The following NRIP2 variants were observed in gnomAD, a reference collection of about 807,000 sequenced individuals.
The protein encoded by NRIP2 is nuclear receptor-interacting protein 2.
A neutral mutation model predicts 34.1 loss-of-function variants in NRIP2; 27 were observed. The observed-to-expected ratio is 0.79, with a 90% CI of 0.58 to 1.09. The LOEUF (loss-of-function observed/expected upper bound fraction) is 1.09, where lower values mean the gene tolerates loss of function less well. Among genes scored for constraint, NRIP2 ranks in the 50% least tolerant of loss-of-function variants. The pLI is 0.00. For synonymous variants in NRIP2, 145 were observed against 146.9 expected (o/e 0.99, Z 0.09); for missense variants, 385 against 352.6 (o/e 1.09, Z -0.74).
At position 2,830,755 on chromosome 12, in the gene NRIP2, T is replaced by C. The variant is rs756209971; in HGVS notation, c.448A>G (p.Arg150Gly). The C allele has an allele frequency of 6.8e-6, 11 of 1,613,840 alleles. No homozygotes were observed. In the East Asian group the frequency reaches 2.5e-4, roughly 36 times the overall value. ...QDLIHGQESR[R>G]KTSRTEIPAL... is the part of the protein sequence containing the mutation. ...GGAATCTCTGTCCTGCTGGTCTTCC[T>C]CCTGCTCTCCTGGCCATGAATCAGG... The change falls in exon 2 of 6, where the codon AGG becomes GGG. Residue 150 changes from arginine to glycine, a missense_variant. Coordinates refer to ENST00000337508, the MANE Select transcript of NRIP2 (RefSeq NM_031474.3).
intron 2 of NRIP2, among the ~76,000 whole-genome samples, chr12:2,829,480 A>C (rs1165891668): frequency 6.6e-6 from 1 of 152,190 alleles, no homozygotes; most frequent in Non-Finnish European, 1.5e-5. Context: ...CTATAAAAGG[A>C]TGTGAATGCC....
intron 1 of NRIP2, among the ~76,000 whole-genome samples, chr12:2,831,893 G>A (rs1312415374): frequency 6.6e-6 from 1 of 152,048 alleles, no homozygotes; most frequent in East Asian, 1.9e-4. Context: ...CACAGTACCT[G>A]GCCTCCATCC....
In NRIP2 at chr12:2,827,796, A is replaced by G; in HGVS notation, c.701-119T>C. ...TCCCCAGATCCGAGGACACTGGCAC[A>G]GAGATGGGGGATAGTCAGAACATCT... On this transcript the variant is annotated intron_variant, in intron 4 of 5. Transcript: ENST00000337508. The surrounding 1 kb of genome is among the most constrained non-coding windows in gnomAD (Gnocchi z 4.0). 1 of 1,603,942 alleles carries G rather than the reference A, an allele frequency of 6.2e-7. No individual in the cohort carries two copies. The highest frequency in any genetic ancestry group is 8.5e-7 in the Non-Finnish European group (1 of 1,175,494).
chr12:2,833,860 T>TG (rs1431664826), intron 1 of NRIP2, among the ~76,000 whole-genome samples: 3 of 152,206 alleles, frequency 2.0e-5, no homozygotes, highest in Admixed American at 6.5e-5. Context: ...ATGAAGAAAC[T>TG]GAGGCACAGA....
chr12:2,830,605 C>T, intron 2 of NRIP2, 103 bp downstream of exon 2: 9 of 1,229,956 alleles, frequency 7.3e-6, no homozygotes, highest in Non-Finnish European at 1.0e-5. Context: ...GGTGCCCTTT[C>T]TCCCTCCCTC....
In NRIP2 at chr12:2,827,052, G is replaced by C; in HGVS notation, c.*155C>G. On this transcript the variant is annotated 3_prime_UTR_variant, in exon 6 of 6. Transcript: ENST00000337508. The surrounding 1 kb of genome is among the most constrained non-coding windows in gnomAD (Gnocchi z 4.0). ...CTGCTGAGAAGCAGAGAGGAATGCG[G>C]CCAGCTGGGGAAAATGGGACAGCAG... The C allele has an allele frequency of 2.7e-6, 4 of 1,471,930 alleles. No individual in the cohort carries two copies. The highest frequency in any genetic ancestry group is 2.7e-6 in the Non-Finnish European group (3 of 1,119,988). The allele number at this position is 1,471,930 out of a possible 1,614,324, so 91.2% of individuals were successfully genotyped here. A position where few individuals can be genotyped will look rare whatever the true frequency, so the allele number is the denominator to read the frequency against.
Position 2,834,794 on chromosome 12 carries a change from C to T in NRIP2, c.190G>A (p.Ala64Thr), listed in dbSNP as rs905798250. 2.5e-6 allele frequency: 4 copies of T among 1,613,634 alleles called. No homozygotes were observed. The highest frequency in any genetic ancestry group is 1.3e-5 in the African/African-American group (1 of 74,770). ...KQEARRDEGE[A>T]RTRGQEAQLR... ...TGTGCCTCCTGCCCCCTCGTCCTGGCTTCTCCCTCATCTCTCCTGGCCTCC... is the reference window on the plus strand; with the variant it reads ...TGTGCCTCCTGCCCCCTCGTCCTGGTTTCTCCCTCATCTCTCCTGGCCTCC... Residue 64 changes from alanine (A) to threonine (T), a missense_variant, in exon 1 of 6, where the codon GCC becomes ACC. Coordinates refer to ENST00000337508, the MANE Select transcript of NRIP2 (RefSeq NM_031474.3).
At chr12:2,828,102 C>G in intron 3 of NRIP2, 55 bp from the exon 4 acceptor site, 1 of 1,489,266 alleles carries the variant, frequency 6.7e-7, no homozygotes, top group South Asian at 1.2e-5. Context: ...GGTTCCACCC[C>G]ATTAATCAGC....
chr12:2,834,260 C>T (rs569748681), intron 1 of NRIP2, among the ~76,000 whole-genome samples: 7 of 152,240 alleles, frequency 4.6e-5, no homozygotes, highest in Middle Eastern at 3.4e-3. Context: ...ACCTGTGGTT[C>T]GGGGGAAGCA....
At position 2,827,598 on chromosome 12, in the gene NRIP2, G is replaced by A. The variant is rs780987261; in HGVS notation, c.753+27C>T. The A allele has an allele frequency of 8.1e-6, 13 of 1,613,990 alleles. No individual in the cohort carries two copies. In the South Asian group the frequency reaches 1.3e-4, roughly 16 times the overall value. ...TTCTACTACTTTTTCCCAGTGCTTT[G>A]GGTCAGGCCCTGAGTGGGTGCCTTA... On this transcript the variant is annotated intron_variant, in intron 5 of 5. Transcript: ENST00000337508. The surrounding 1 kb of genome is among the most constrained non-coding windows in gnomAD (Gnocchi z 4.0).
intron 2 of NRIP2, among the ~76,000 whole-genome samples, chr12:2,828,657 T>C (rs1165678231): frequency 6.6e-6 from 1 of 151,210 alleles, no homozygotes; most frequent in African/African-American, 2.4e-5. Flanking sequence ...CTGACCAGGG[T>C]TTAGTAGAAA....
chr12:2,831,307 G>A (rs1183498571), intron 1 of NRIP2, among the ~76,000 whole-genome samples: 1 of 151,916 alleles, frequency 6.6e-6, no homozygotes, highest in East Asian at 1.9e-4. Context: ...AACTAGGCCA[G>A]GCGTGGTGGC....
At chr12:2,833,495 G>T (rs1413268063) in intron 1 of NRIP2, among the ~76,000 whole-genome samples, 2 of 152,112 alleles carry the variant, frequency 1.3e-5, no homozygotes, top group Non-Finnish European at 2.9e-5. Context: ...GCTAAGTAGG[G>T]AAAGGCGAGG....
In NRIP2 at chr12:2,827,531, G is replaced by A. The variant is rs2097974539; in HGVS notation, c.753+94C>T. On this transcript the variant is annotated intron_variant, in intron 5 of 5. Coordinates refer to ENST00000337508, the MANE Select transcript of NRIP2 (RefSeq NM_031474.3). The surrounding 1 kb of genome is among the most constrained non-coding windows in gnomAD (Gnocchi z 4.0). ...CAAAGGGACAGTTGCCCATCTCTAA[G>A]TCACTCTCATCAGAACCTGGTCCAG... is the stretch of plus-strand genomic sequence containing the variant. 19 of 1,592,890 alleles carry A rather than the reference G, an allele frequency of 1.2e-5. No homozygotes were observed. The South Asian group carries it at 1.9e-4, about 16-fold the overall frequency.
Position 2,834,895 on chromosome 12 carries a change from C to G in NRIP2, c.89G>C (p.Ser30Thr). 6.2e-7 allele frequency: 1 copy of G among 1,613,908 alleles called. No individual in the cohort carries two copies. The highest frequency in any genetic ancestry group is 8.5e-7 in the Non-Finnish European group (1 of 1,179,974). ...CSTGQRQAGRSREDSVTPPPS... is the reference protein window; with the variant it reads ...CSTGQRQAGRTREDSVTPPPS... ...TGGGGGCGTCACCGAGTCCTCTCTG[C>G]TTCTTCCTGCCTGTCTCTGTCCCGT... Residue 30 changes from serine (S) to threonine (T), a missense_variant, in exon 1 of 6, where the codon AGC becomes ACC. Coordinates refer to ENST00000337508, the MANE Select transcript of NRIP2 (RefSeq NM_031474.3).
At chr12:2,830,214 C>G (rs1053913413) in intron 2 of NRIP2, 18 of 152,458 alleles carry the variant, frequency 1.2e-4, no homozygotes, top group African/African-American at 4.3e-4. Context: ...CTTTTGCTTG[C>G]AGAATGCGGA....
intron 1 of NRIP2, 26 bp from the exon 2 acceptor site, chr12:2,830,886 G>T (rs2097998426): frequency 3.7e-6 from 6 of 1,606,848 alleles, no homozygotes; most frequent in Middle Eastern, 1.8e-4. Context: ...AACAATGAAG[G>T]TAGGCAGTTC....
Position 2,834,938 on chromosome 12 carries a change from A to G in NRIP2, c.46T>C (p.Trp16Arg). The change falls in exon 1 of 6, where the codon TGG becomes CGG. Residue 16 changes from tryptophan (W) to arginine (R), a missense_variant. Physicochemically the swap from Trp to Arg is moderately radical, Grantham distance 101. Coordinates refer to ENST00000337508, the MANE Select transcript of NRIP2 (RefSeq NM_031474.3). ...PLSLPWRPSC[W>R]KESCSTGQRQ... Reference sequence around the variant, plus strand: ...TGTCCCGTGCTGCAGCTCTCTTTCCAACAGGAGGGTCTCCACGGGAGGGAA... The same window carrying G: ...TGTCCCGTGCTGCAGCTCTCTTTCCGACAGGAGGGTCTCCACGGGAGGGAA... The G allele has an allele frequency of 6.2e-7, 1 of 1,607,876 alleles. No homozygotes were observed.
intron 2 of NRIP2, chr12:2,830,084 AT>A (rs980286068): frequency 1.5e-4 from 23 of 150,690 alleles, no homozygotes; most frequent in Middle Eastern, 3.4e-3. Context: ...CTCAAAAAAA[AT>A]TTTTTTTTTT....
Sources: allele counts gnomAD v4.1 joint callset (sites outside exome capture counted in the v4.1 genomes callset), GRCh38; gene constraint gnomAD v4.1.1; non-coding constraint Gnocchi (gnomAD v3.1); transcripts MANE v1.5; gene names NCBI Gene and HGNC (gene_info 2026-07-23, HGNC 2026-07-21).